GRM8: variants seen among roughly 807,000 people sequenced by gnomAD.
The protein encoded by GRM8 is glutamate metabotropic receptor 8, also known as metabotropic glutamate receptor 8.
A neutral mutation model predicts 87.2 loss-of-function variants in GRM8; 47 were observed. The ratio of observed to expected loss-of-function variants is 0.54; its 90% CI spans 0.43 to 0.69. The LOEUF (loss-of-function observed/expected upper bound fraction) is 0.69. Ranked by LOEUF, GRM8 falls within the 30% of genes least tolerant of loss-of-function variation. The pLI, the probability that GRM8 is intolerant of heterozygous loss-of-function variation, is 0.00. For synonymous variants in GRM8, 396 were observed against 404.5 expected, an observed-to-expected ratio of 0.98 and a Z score of 0.25; for missense variants, 1,019 against 1,139.2, an observed-to-expected ratio of 0.89 and a Z score of 1.52.
intron 3 of GRM8, among the ~76,000 whole-genome samples, chr7:126,940,812 G>C (rs902536542): frequency 1.2e-4 from 18 of 152,138 alleles, no homozygotes; most frequent in African/African-American, 4.1e-4. Flanking sequence ...GATTTGTCCA[G>C]CTGGATTGTT....
Position 126,458,505 on chromosome 7 carries a change from A to C in GRM8, c.2431-12133T>G, listed in dbSNP as rs200124869. Among the ~76,000 whole-genome samples, 15 of 151,448 alleles carry C rather than the reference A, an allele frequency of 9.9e-5. No homozygotes were observed. In the East Asian group the frequency reaches 2.9e-3, roughly 30 times the overall value. The stretch of plus-strand genomic sequence containing the variant: ...ATGTATGTAAGCAACGCATTATAGA[A>C]ATGCAAGGATAGACAAATCCATAAC... On this transcript the variant is annotated intron_variant, in intron 9 of 10. Transcript: ENST00000339582.
intron 2 of GRM8, among the ~76,000 whole-genome samples, chr7:127,194,969 T>C (rs1795206717): frequency 6.6e-6 from 1 of 151,966 alleles, no homozygotes; most frequent in Admixed American, 6.6e-5. Flanking sequence ...AACGTGAAAA[T>C]AAAGTTTCAT....
In GRM8 at chr7:126,993,671, G is replaced by T. The variant is rs555177252; in HGVS notation, c.728-88988C>A. ...ATAGAAAGAGAATCTGTACACTTGG[G>T]GGAGGGAGAGCACAGTGACTGGGGG... On this transcript the variant is annotated intron_variant, in intron 3 of 10. Transcript: ENST00000339582. 2.0e-5 allele frequency among the ~76,000 whole-genome samples: 3 copies of T among 152,130 alleles called. No homozygotes were observed. In the South Asian group the frequency reaches 6.2e-4, roughly 32 times the overall value.
intron 7 of GRM8, among the ~76,000 whole-genome samples, chr7:126,643,319 AATATATATATATATATAT>A (rs1198296006): frequency 7.7e-4 from 28 of 36,198 alleles, no homozygotes; most frequent in African/African-American, 3.1e-3. Flanking sequence ...AAAAAAAAAA[AATATATATATATATATAT>A]ATATATATAT....
At chr7:127,007,135 C>T (rs1814401374) in intron 3 of GRM8, among the ~76,000 whole-genome samples, 1 of 151,908 alleles carries the variant, frequency 6.6e-6, no homozygotes, top group Non-Finnish European at 1.5e-5. Flanking sequence ...ACTCTTTACC[C>T]CTTTCTTTCA....
intron 6 of GRM8, among the ~76,000 whole-genome samples, chr7:126,864,916 T>A (rs937848196): frequency 1.3e-5 from 2 of 152,198 alleles, no homozygotes; most frequent in African/African-American, 4.8e-5. Context: ...TTGGGATTCC[T>A]ACACACTATT....
intron 3 of GRM8, among the ~76,000 whole-genome samples, chr7:126,989,934 G>C (rs1196535739): frequency 1.3e-5 from 2 of 151,650 alleles, no homozygotes; most frequent in African/African-American, 4.9e-5. Context: ...CTGGGTGACA[G>C]AGCAAGACCC....
intron 7 of GRM8, among the ~76,000 whole-genome samples, chr7:126,679,130 G>T (rs1174189516): frequency 6.6e-6 from 1 of 152,132 alleles, no homozygotes; most frequent in Admixed American, 6.5e-5. Context: ...GTATGTGCTA[G>T]AACTACAGTT....
chr7:126,871,835 T>C (rs6957608), intron 6 of GRM8, among the ~76,000 whole-genome samples: 1,691 of 152,332 alleles, frequency 0.011, 30 homozygotes, highest in African/African-American at 0.038. Context: ...GAATTATAGA[T>C]ACTTGTACAC....
intron 3 of GRM8, among the ~76,000 whole-genome samples, chr7:127,036,085 A>G (rs1817815629): frequency 1.3e-5 from 2 of 152,338 alleles, no homozygotes; most frequent in South Asian, 2.1e-4. Flanking sequence ...ATATTTGTTA[A>G]GCTAATTCCA....
intron 3 of GRM8, chr7:126,981,653 A>G (rs571093881): frequency 2.0e-5 from 3 of 152,322 alleles, no homozygotes; most frequent in South Asian, 4.1e-4. Flanking sequence ...CTACTTCTCA[A>G]TACCGACACA....
At chr7:126,811,275 G>A in intron 6 of GRM8, among the ~76,000 whole-genome samples, 1 of 151,718 alleles carries the variant, frequency 6.6e-6, no homozygotes, top group Non-Finnish European at 1.5e-5. Flanking sequence ...CTATAGCTTT[G>A]TAGTATAATT....
At chr7:127,124,325 A>G (rs17867096) in intron 2 of GRM8, among the ~76,000 whole-genome samples, 1,980 of 152,244 alleles carry the variant, frequency 0.013, 33 homozygotes, top group African/African-American at 0.045. Flanking sequence ...ACAAAATCCA[A>G]TGCTCAATTT....
chr7:127,240,111 T>C (rs1235533070), intron 2 of GRM8, among the ~76,000 whole-genome samples: 4 of 152,126 alleles, frequency 2.6e-5, no homozygotes, highest in East Asian at 1.9e-4. Flanking sequence ...GCCTGGGGCA[T>C]TGGACTCTGC....
At chr7:126,551,666 G>T (rs545344076) in intron 8 of GRM8, among the ~76,000 whole-genome samples, 11 of 150,124 alleles carry the variant, frequency 7.3e-5, no homozygotes, top group Non-Finnish European at 1.2e-4. Flanking sequence ...TTTATGCCCT[G>T]TATTGGCAAC....
At chr7:127,008,129 CCATTT>C (rs1472964930) in intron 3 of GRM8, among the ~76,000 whole-genome samples, 3 of 151,900 alleles carry the variant, frequency 2.0e-5, no homozygotes, top group African/African-American at 2.4e-5. Flanking sequence ...ACCAGTTGCT[CCATTT>C]TTATCTTTCT....
chr7:126,541,105 G>A (rs910795448), intron 8 of GRM8, among the ~76,000 whole-genome samples: 5 of 152,098 alleles, frequency 3.3e-5, no homozygotes, highest in African/African-American at 1.2e-4. Context: ...CAGACACAAC[G>A]TAGATGGGGA....
At chr7:127,246,672 A>G (rs1329978465) in intron 1 of GRM8, among the ~76,000 whole-genome samples, 1 of 152,200 alleles carries the variant, frequency 6.6e-6, no homozygotes, top group Non-Finnish European at 1.5e-5. Context: ...TCCTGGAAGC[A>G]GGCACCCTGG....
chr7:126,628,762 C>T (rs1800943671), intron 7 of GRM8, among the ~76,000 whole-genome samples: 2 of 152,162 alleles, frequency 1.3e-5, no homozygotes, highest in South Asian at 4.1e-4. Context: ...TGTCAAAATA[C>T]TAGCTTTTGG....
Sources: gnomAD v4.1 joint callset for allele counts (sites outside exome capture counted in the v4.1 genomes callset) on GRCh38, gnomAD v4.1.1 for gene constraint, MANE v1.5 for transcripts, NCBI Gene and HGNC (gene_info 2026-07-23, HGNC 2026-07-21) for gene names.